The following NDC80 variants were observed in gnomAD, a reference collection of about 807,000 sequenced individuals.
NDC80 encodes NDC80 kinetochore complex component, also known as kinetochore protein NDC80 homolog.
Under a neutral mutation model 89.3 loss-of-function variants are expected in NDC80, and 69 were observed. The ratio of observed to expected loss-of-function variants is 0.77; its 90% CI spans 0.64 to 0.94. NDC80 has a LOEUF of 0.94. NDC80 is among the 40% of genes least tolerant of loss of function. The pLI is 0.00. For missense variants in NDC80, 593 were observed against 739.6 expected, an observed-to-expected ratio of 0.80 and a Z score of 2.30; for synonymous variants, 243 against 255.6, an observed-to-expected ratio of 0.95 and a Z score of 0.47.
intron 16 of NDC80, among the ~76,000 whole-genome samples, chr18:2,612,613 A>G (rs1340574678): frequency 3.3e-5 from 5 of 152,060 alleles, no homozygotes; most frequent in Admixed American, 2.0e-4. Context: ...CTGCAGCTCT[A>G]TTGTCTGTCC....
intron 10 of NDC80, among the ~76,000 whole-genome samples, chr18:2,591,445 G>A (rs2072627091): frequency 6.6e-6 from 1 of 152,004 alleles, no homozygotes; most frequent in Non-Finnish European, 1.5e-5. Flanking sequence ...GGATTTTGCT[G>A]GCTGTGTCTG....
At chr18:2,614,460 A>AC (rs1568015602) in intron 16 of NDC80, 2 of 6,224 alleles carry the variant, frequency 3.2e-4, no homozygotes, top group East Asian at 0.034. Context: ...AGAAAGAAAG[A>AC]AAGAAAGAAA....
At chr18:2,580,215 A>G (rs2072569269) in intron 6 of NDC80, among the ~76,000 whole-genome samples, 1 of 151,990 alleles carries the variant, frequency 6.6e-6, no homozygotes, top group Non-Finnish European at 1.5e-5. Flanking sequence ...TTATTATAAT[A>G]TCTACTCTTC....
At chr18:2,614,444 AAAG>A in intron 16 of NDC80, 1 of 4,954 alleles carries the variant, frequency 2.0e-4, no homozygotes, top group Admixed American at 3.8e-3. Flanking sequence ...TCAAAAAAAG[AAAG>A]AAAGAAAGAA....
chr18:2,611,705 A>G (rs1021466440), intron 16 of NDC80, among the ~76,000 whole-genome samples: 23 of 152,148 alleles, frequency 1.5e-4, no homozygotes, highest in African/African-American at 5.6e-4. Context: ...AAATTGCTGA[A>G]CTATAAAATT....
At chr18:2,598,968 AC>A (rs773001940) in intron 11 of NDC80, 50 bp from the exon 12 acceptor site, 12 of 1,432,414 alleles carry the variant, frequency 8.4e-6, no homozygotes, top group South Asian at 3.5e-5. Flanking sequence ...ATTGAAAAAA[AC>A]ATATGGAATG....
chr18:2,581,074 T>C (rs2072575698), intron 6 of NDC80, among the ~76,000 whole-genome samples: 1 of 152,050 alleles, frequency 6.6e-6, no homozygotes, highest in East Asian at 1.9e-4. Flanking sequence ...AATCCCCTCC[T>C]TTTTATATTG....
intron 16 of NDC80, among the ~76,000 whole-genome samples, chr18:2,613,171 A>T (rs2072754617): frequency 6.6e-6 from 1 of 152,210 alleles, no homozygotes; most frequent in African/African-American, 2.4e-5. Flanking sequence ...GGCTTTTGTA[A>T]ATAAAGTTTT....
rs2072728468 is a variant in NDC80 at position 2,608,835 on chromosome 18, G to A, written c.1688+5G>A. The A allele has an allele frequency of 1.3e-6, 2 of 1,598,934 alleles. No individual in the cohort carries two copies. Among genetic ancestry groups the A allele is most frequent in the Non-Finnish European group, 1.7e-6 (2 of 1,169,014 alleles). On this transcript the variant is annotated splice_donor_5th_base_variant and intron_variant, in intron 15 of 16. Coordinates refer to ENST00000261597, the MANE Select transcript of NDC80 (RefSeq NM_006101.3). ...ATTAGATGCTGTTCAGCGGGAGTAA[G>A]TTTATCTCACCAAGATTTATACGTT... is the stretch of plus-strand genomic sequence containing the variant.
chr18:2,591,967 G>A (rs1340542499), intron 10 of NDC80, among the ~76,000 whole-genome samples: 1 of 152,128 alleles, frequency 6.6e-6, no homozygotes, highest in Middle Eastern at 3.4e-3. Context: ...TGCTGGCCAG[G>A]CTGGTCTCAA....
chr18:2,599,056 G>GA lies in NDC80; in HGVS notation c.1263dup (p.Leu422IlefsTer6). 1 of 1,611,690 alleles carries GA rather than the reference G, an allele frequency of 6.2e-7. No homozygotes were observed. The highest frequency in any genetic ancestry group is 1.3e-5 in the African/African-American group (1 of 74,940). ...TTAGCAGAGTATCACAAATTGGCTA[G>GA]AAAATTAAAACTTATTCCTAAAGGT... On this transcript the variant is annotated frameshift_variant, in exon 12 of 17. Transcript: ENST00000261597. LOFTEE classifies it high-confidence loss of function.
intron 12 of NDC80, 78 bp downstream of exon 12, chr18:2,599,249 C>A: frequency 8.2e-7 from 1 of 1,219,742 alleles, no homozygotes; most frequent in Non-Finnish European, 1.1e-6. Flanking sequence ...TTGGCTTGTT[C>A]ATAACCCAGT....
chr18:2,610,225 T>C (rs2072735585), intron 15 of NDC80, among the ~76,000 whole-genome samples: 1 of 152,226 alleles, frequency 6.6e-6, no homozygotes, highest in African/African-American at 2.4e-5. Context: ...TACATTTATG[T>C]AAAATATACA....
intron 1 of NDC80, among the ~76,000 whole-genome samples, chr18:2,572,744 A>G (rs1476638601): frequency 6.6e-6 from 1 of 152,170 alleles, no homozygotes. Context: ...CTATATATAT[A>G]GTGGGCAGTT....
rs1262402683 is a variant in NDC80 at position 2,575,027 on chromosome 18, A to G, written c.140A>G (p.Lys47Arg). Residue 47 changes from lysine to arginine, a missense_variant, in exon 3 of 17, where the codon AAA becomes AGA. Physicochemically the swap from Lys to Arg is conservative, Grantham distance 26. Transcript: ENST00000261597. ...KPTFGKLSIN[K>R]PTSERKVSLF... ...ACCTTTGGAAAGTTGAGTATAAACAAACCGACATCTGAAAGAAAAGTCTCG... is the reference window on the plus strand; with the variant it reads ...ACCTTTGGAAAGTTGAGTATAAACAGACCGACATCTGAAAGAAAAGTCTCG... The G allele has an allele frequency of 1.4e-5, 22 of 1,612,380 alleles. No homozygotes were observed. The highest frequency in any genetic ancestry group is 1.9e-5 in the Non-Finnish European group (22 of 1,179,092).
chr18:2,575,356 C>T (rs1390830093), intron 3 of NDC80, among the ~76,000 whole-genome samples: 1 of 152,192 alleles, frequency 6.6e-6, no homozygotes, highest in Admixed American at 6.5e-5. Context: ...AGTGGCCAGG[C>T]ATGGTGGCCA....
chr18:2,577,588 A>G (rs2248156), intron 3 of NDC80, among the ~76,000 whole-genome samples, 158 bp from the exon 4 acceptor site: 87,737 of 152,090 alleles, frequency 0.58, 27,520 homozygotes, highest in East Asian at 0.73. Context: ...ACTCTTCGTT[A>G]TTTGCTCCTT....
chr18:2,594,787 G>A (rs2072645979), intron 10 of NDC80: 1 of 152,384 alleles, frequency 6.6e-6, no homozygotes, highest in African/African-American at 2.4e-5. Context: ...ACCTGTCTTG[G>A]AGACTTCTTA....
intron 13 of NDC80, among the ~76,000 whole-genome samples, chr18:2,601,971 C>T (rs1328450073): frequency 1.3e-5 from 2 of 152,068 alleles, no homozygotes; most frequent in African/African-American, 2.4e-5. Context: ...CTTCTGAGAT[C>T]CTTAATATCA....
Sources: allele counts gnomAD v4.1 joint callset (sites outside exome capture counted in the v4.1 genomes callset), GRCh38; gene constraint gnomAD v4.1.1; transcripts MANE v1.5; gene names NCBI Gene and HGNC (gene_info 2026-07-23, HGNC 2026-07-21).